CDH2: variants seen among roughly 807,000 people sequenced by gnomAD.
The protein encoded by CDH2 is cadherin 2.
In CDH2, 17 loss-of-function variants were observed where a neutral mutation model predicts 92.0. The observed-to-expected ratio is 0.18, with a 90% confidence interval of 0.13 to 0.28. The LOEUF is 0.28. CDH2 is among the 10% of genes least tolerant of loss of function. CDH2 has a pLI of 1.00. For missense variants in CDH2, 862 were observed against 1,133.1 expected, an observed-to-expected ratio of 0.76 and a Z score of 3.44; for synonymous variants, 419 against 415.9, an observed-to-expected ratio of 1.01 and a Z score of -0.09.
chr18:28,050,897 G>T (rs1319202843), intron 2 of CDH2, among the ~76,000 whole-genome samples: 1 of 152,080 alleles, frequency 6.6e-6, no homozygotes, highest in East Asian at 1.9e-4. Context: ...TTTAATCCAT[G>T]ATCATTAAGA....
intron 2 of CDH2, among the ~76,000 whole-genome samples, chr18:28,081,151 G>A (rs2014821277): frequency 2.0e-5 from 3 of 152,194 alleles, no homozygotes; most frequent in Admixed American, 2.0e-4. Flanking sequence ...CATCATTCAA[G>A]ATCCAGCCCA....
chr18:28,094,501 CAA>C (rs2015090942), intron 2 of CDH2, among the ~76,000 whole-genome samples: 1 of 145,834 alleles, frequency 6.9e-6, no homozygotes, highest in African/African-American at 2.5e-5. Context: ...AAAAACAAAA[CAA>C]AACAAAAAAA....
At chr18:27,963,973 A>G (rs1002291497) in intron 14 of CDH2, among the ~76,000 whole-genome samples, 3 of 152,128 alleles carry the variant, frequency 2.0e-5, no homozygotes, top group Non-Finnish European at 4.4e-5. Flanking sequence ...TCTCCCTTCT[A>G]AACTCTAGAG....
intron 1 of CDH2, among the ~76,000 whole-genome samples, chr18:28,151,097 G>A (rs2016113763): frequency 6.6e-6 from 1 of 152,234 alleles, no homozygotes; most frequent in South Asian, 2.1e-4. Flanking sequence ...ACTGATACCA[G>A]GTATGAGACT....
chr18:27,961,114 AT>A (rs1366573075), intron 15 of CDH2, among the ~76,000 whole-genome samples: 1 of 152,062 alleles, frequency 6.6e-6, no homozygotes, highest in Non-Finnish European at 1.5e-5. Context: ...TTTGAATGTA[AT>A]CTGACAAGTA....
chr18:27,950,509 A>G (rs963013342), downstream of CDH2, among the ~76,000 whole-genome samples: 45 of 152,246 alleles, frequency 3.0e-4, no homozygotes, highest in Middle Eastern at 3.4e-3. Flanking sequence ...TAAGTACATA[A>G]AACGATGGCT....
In CDH2 at chr18:28,074,771, C is replaced by T. The variant is rs552387838; in HGVS notation, c.173-60862G>A. On this transcript the variant is annotated intron_variant, in intron 2 of 15. Transcript: ENST00000269141. ...TCCATCTGGTTTCGAGAATTCTTGG[C>T]TAAAAATTATGGGGTTCAGCCTAAT... Among the ~76,000 whole-genome samples the T allele has an allele frequency of 5.5e-4, 81 of 148,014 alleles. 1 individual carries two copies. Among genetic ancestry groups the T allele is most frequent in the Non-Finnish European group, 1.1e-3 (72 of 67,306 alleles).
chr18:28,164,342 G>A (rs1416027097), intron 1 of CDH2, among the ~76,000 whole-genome samples: 1 of 152,064 alleles, frequency 6.6e-6, no homozygotes. Flanking sequence ...TATTTGGGGA[G>A]GAATTTAATG....
At chr18:27,948,509 A>C (rs1909331633), downstream of CDH2, among the ~76,000 whole-genome samples, 1 of 151,990 alleles carries the variant, frequency 6.6e-6, no homozygotes, top group Admixed American at 6.6e-5. Context: ...GAACCACATA[A>C]AAATGAAACT....
At chr18:28,053,731 CT>C (rs1343515464) in intron 2 of CDH2, among the ~76,000 whole-genome samples, 2 of 152,294 alleles carry the variant, frequency 1.3e-5, no homozygotes, top group African/African-American at 4.8e-5. Flanking sequence ...GAATTAACAT[CT>C]TTATACTAAA....
intron 2 of CDH2, among the ~76,000 whole-genome samples, chr18:28,114,349 G>A (rs1287558990): frequency 1.3e-5 from 2 of 152,062 alleles, no homozygotes; most frequent in African/African-American, 2.4e-5. Context: ...GAAAAAAGAT[G>A]TTAGATGGGG....
At chr18:28,143,280 T>C (rs1197176550) in intron 2 of CDH2, among the ~76,000 whole-genome samples, 1 of 152,032 alleles carries the variant, frequency 6.6e-6, no homozygotes, top group African/African-American at 2.4e-5. Flanking sequence ...CAGGATCCTC[T>C]CTGCAATGTC....
intron 15 of CDH2, among the ~76,000 whole-genome samples, chr18:27,959,740 T>C (rs2011347679): frequency 6.6e-6 from 1 of 152,204 alleles, no homozygotes; most frequent in Non-Finnish European, 1.5e-5. Context: ...TTTTGATTGT[T>C]TTCTATTATA....
chr18:28,069,037 CA>C (rs1272508857), intron 2 of CDH2, among the ~76,000 whole-genome samples: 1 of 152,114 alleles, frequency 6.6e-6, no homozygotes, highest in East Asian at 1.9e-4. Flanking sequence ...CCAGACTAAA[CA>C]TAACAAGGAA....
chr18:28,103,232 TTA>T (rs1162778486), intron 2 of CDH2, among the ~76,000 whole-genome samples: 138 of 140,854 alleles, frequency 9.8e-4, no homozygotes, highest in African/African-American at 3.1e-3. Context: ...AAAAACTCCT[TTA>T]TATATATATA....
intron 6 of CDH2, among the ~76,000 whole-genome samples, chr18:27,943,213 C>A (rs186041849): frequency 1.4e-3 from 219 of 152,290 alleles, no homozygotes; most frequent in African/African-American, 5.2e-3. Flanking sequence ...GCCACTCTTT[C>A]TTTTATTCAC....
intron 2 of CDH2, among the ~76,000 whole-genome samples, chr18:28,027,842 TTTTG>T (rs1375778297): frequency 4.3e-5 from 5 of 115,334 alleles, no homozygotes; most frequent in Non-Finnish European, 9.3e-5. Context: ...GGCAGTTTTG[TTTTG>T]TTTTTTTTTT....
chr18:28,104,247 T>G (rs1415513816), intron 2 of CDH2, among the ~76,000 whole-genome samples: 2 of 152,196 alleles, frequency 1.3e-5, no homozygotes, highest in Admixed American at 1.3e-4. Context: ...ATTTACCATA[T>G]ATTCATTAAA....
chr18:28,109,501 AC>A (rs2015376191), intron 2 of CDH2, among the ~76,000 whole-genome samples: 1 of 152,178 alleles, frequency 6.6e-6, no homozygotes, highest in South Asian at 2.1e-4. Flanking sequence ...CTTTGGCCAC[AC>A]CTCTGTTACA....
Sources: allele counts gnomAD v4.1 joint callset (sites outside exome capture counted in the v4.1 genomes callset), GRCh38; gene constraint gnomAD v4.1.1; transcripts MANE v1.5; gene names NCBI Gene and HGNC (gene_info 2026-07-23, HGNC 2026-07-21).